COLEC12: variants seen among roughly 807,000 people sequenced by gnomAD.
The protein encoded by COLEC12 is collectin-12.
COLEC12 carries 33 observed loss-of-function variants against 71.1 expected under a neutral mutation model. The observed-to-expected ratio is 0.46, with a 90% CI of 0.35 to 0.62. The LOEUF (loss-of-function observed/expected upper bound fraction) is 0.62. COLEC12 is among the 20% of genes least tolerant of loss of function. The probability of loss-of-function intolerance (pLI) is 0.00; values close to 1 mark genes in which losing one functional copy is unlikely to be tolerated. For missense variants in COLEC12, 765 were observed against 916.1 expected, an observed-to-expected ratio of 0.84 and a Z score of 2.13; for synonymous variants, 350 against 353.0, an observed-to-expected ratio of 0.99 and a Z score of 0.10.
At chr18:338,716 G>T (rs1157130319) in intron 5 of COLEC12, among the ~76,000 whole-genome samples, 1 of 152,194 alleles carries the variant, frequency 6.6e-6, no homozygotes, top group African/African-American at 2.4e-5. Context: ...TCCCAGAGAT[G>T]AATAGTGGTG....
rs567281299 is a variant in COLEC12, at chr18:448,489, C to A, written c.58+32218G>T. Reference sequence around the variant, plus strand: ...ACTCTGTTATATAAAAACAAATTAACTTGAAATGTAATTTTTCTCTACTAA... The same window carrying A: ...ACTCTGTTATATAAAAACAAATTAAATTGAAATGTAATTTTTCTCTACTAA... On this transcript the variant is annotated intron_variant, in intron 2 of 9. Transcript: ENST00000400256. Among the ~76,000 whole-genome samples the A allele has an allele frequency of 2.6e-5, 4 of 152,282 alleles. No homozygotes were observed. The South Asian group carries it at 8.3e-4, about 32-fold the overall frequency.
chr18:469,576 A>G (rs1241075868), intron 2 of COLEC12, among the ~76,000 whole-genome samples: 2 of 152,078 alleles, frequency 1.3e-5, no homozygotes, highest in African/African-American at 4.8e-5. Context: ...AGGTGCATAC[A>G]TCTCCCAAGA....
intron 2 of COLEC12, among the ~76,000 whole-genome samples, chr18:473,713 C>T (rs1349904705): frequency 1.3e-5 from 2 of 152,192 alleles, no homozygotes; most frequent in Admixed American, 1.3e-4. Flanking sequence ...TCTTAAGTTG[C>T]TTGCAGTTGC....
intron 2 of COLEC12, among the ~76,000 whole-genome samples, chr18:467,560 A>C (rs993192181): frequency 1.2e-4 from 18 of 152,264 alleles, no homozygotes; most frequent in African/African-American, 4.3e-4. Context: ...ATGTAAACAG[A>C]TTAATGAATT....
At chr18:460,944 G>A (rs1038553544) in intron 2 of COLEC12, among the ~76,000 whole-genome samples, 1 of 152,184 alleles carries the variant, frequency 6.6e-6, no homozygotes, top group Non-Finnish European at 1.5e-5. Flanking sequence ...GTTTCTATTT[G>A]TGTGATGAGC....
intron 5 of COLEC12, among the ~76,000 whole-genome samples, chr18:343,102 C>T (rs1352180142): frequency 6.6e-6 from 1 of 152,218 alleles, no homozygotes; most frequent in Non-Finnish European, 1.5e-5. Flanking sequence ...CGTCCAGACA[C>T]TCACACCAAC....
chr18:342,327 TG>T (rs1914273656), intron 5 of COLEC12, among the ~76,000 whole-genome samples: 1 of 152,258 alleles, frequency 6.6e-6, no homozygotes, highest in Non-Finnish European at 1.5e-5. Flanking sequence ...GGTTGATGGA[TG>T]TAGAGATACT....
At chr18:398,501 A>T in intron 2 of COLEC12, among the ~76,000 whole-genome samples, 1 of 152,338 alleles carries the variant, frequency 6.6e-6, no homozygotes, top group South Asian at 2.1e-4. Context: ...GCTTGAAAAC[A>T]ATCGGCTCTT....
intron 2 of COLEC12, among the ~76,000 whole-genome samples, chr18:428,100 AC>A (rs1359231216): frequency 5.3e-5 from 8 of 151,324 alleles, no homozygotes; most frequent in African/African-American, 1.9e-4. Flanking sequence ...CCCCATCTCT[AC>A]TAAAAATATA....
intron 2 of COLEC12, among the ~76,000 whole-genome samples, chr18:374,656 C>T (rs994583669): frequency 2.6e-5 from 4 of 152,182 alleles, no homozygotes; most frequent in African/African-American, 9.7e-5. Flanking sequence ...GCTTGTTATA[C>T]TAATAGGCTT....
chr18:435,557 G>T (rs372902309), intron 2 of COLEC12, among the ~76,000 whole-genome samples: 3 of 152,038 alleles, frequency 2.0e-5, no homozygotes, highest in Non-Finnish European at 2.9e-5. Context: ...TGAGATTTGG[G>T]TGGGGACACA....
chr18:372,922 TC>T (rs907060600), intron 2 of COLEC12, among the ~76,000 whole-genome samples: 18 of 152,054 alleles, frequency 1.2e-4, no homozygotes, highest in Non-Finnish European at 2.2e-4. Context: ...TGTTAAACCT[TC>T]CCCCCATCTT....
chr18:320,893 T>C (rs935656703), intron 9 of COLEC12, among the ~76,000 whole-genome samples: 2 of 152,204 alleles, frequency 1.3e-5, no homozygotes, highest in East Asian at 1.9e-4. Flanking sequence ...AAAAGCTGCT[T>C]TGGCTTATGA....
chr18:418,237 T>C (rs1916027834), intron 2 of COLEC12, among the ~76,000 whole-genome samples: 1 of 152,222 alleles, frequency 6.6e-6, no homozygotes, highest in Non-Finnish European at 1.5e-5. Flanking sequence ...AGATACTTTG[T>C]AAGTTTAAGA....
At chr18:498,595 G>A (rs887880122) in intron 1 of COLEC12, among the ~76,000 whole-genome samples, 1 of 151,942 alleles carries the variant, frequency 6.6e-6, no homozygotes, top group Non-Finnish European at 1.5e-5. Context: ...TCCTGACTTC[G>A]AGTGATCTTG....
At chr18:336,910 G>C (rs1233453251) in intron 5 of COLEC12, among the ~76,000 whole-genome samples, 6 of 152,000 alleles carry the variant, frequency 3.9e-5, no homozygotes, top group African/African-American at 9.7e-5. Context: ...GGCTGGAGGA[G>C]AGTGGCATGA....
chr18:412,706 T>C (rs905433976), intron 2 of COLEC12, among the ~76,000 whole-genome samples: 5 of 152,124 alleles, frequency 3.3e-5, no homozygotes, highest in South Asian at 2.1e-4. Context: ...GGAGGTAAAG[T>C]TTCCGTACTT....
chr18:321,708 T>C lies in COLEC12; in HGVS notation c.2163A>G (p.Gln721=), dbSNP rs542136564. The C allele has an allele frequency of 2.7e-5, 44 of 1,614,256 alleles. No homozygotes were observed. The highest frequency in any genetic ancestry group is 2.2e-4 in the Admixed American group (13 of 60,030). ...LIYAGQWNDF[Q]CEDVNNFICE... is the part of the protein sequence containing the mutation. ...AAATGAAGTTATTGACGTCTTCACA[T>C]TGGAAATCGTTCCACTGCCCAGCAT... is the stretch of plus-strand genomic sequence containing the variant. The change falls in exon 9 of 10, where the codon CAA becomes CAG. Residue 721 remains glutamine, a synonymous_variant. Transcript: ENST00000400256.
At chr18:446,243 T>C (rs1916646335) in intron 2 of COLEC12, among the ~76,000 whole-genome samples, 1 of 114,062 alleles carries the variant, frequency 8.8e-6, no homozygotes, top group Non-Finnish European at 2.1e-5. Context: ...TTCTCCTTGG[T>C]GTATATATAT....
Sources: gnomAD v4.1 joint callset for allele counts (sites outside exome capture counted in the v4.1 genomes callset) on GRCh38, gnomAD v4.1.1 for gene constraint, MANE v1.5 for transcripts, NCBI Gene and HGNC (gene_info 2026-07-23, HGNC 2026-07-21) for gene names.